The following TEX11 variants were observed in gnomAD, a reference collection of about 807,000 sequenced individuals.
TEX11 encodes the protein testis expressed 11.
In TEX11, 7 loss-of-function variants were observed where a neutral mutation model predicts 84.4. The ratio of observed to expected loss-of-function variants is 0.08; its 90% CI spans 0.05 to 0.16. TEX11 has a LOEUF of 0.16. Among genes scored for constraint, TEX11 ranks in the 10% least tolerant of loss-of-function variants. The pLI is 1.00. For missense variants in TEX11, 551 were observed against 660.5 expected (o/e 0.83, Z 1.82); for synonymous variants, 264 against 222.8 (o/e 1.18, Z -1.64).
intron 13 of TEX11, among the ~76,000 whole-genome samples, chrX:70,707,783 A>G (rs768282771): frequency 3.1e-4 from 34 of 111,017 alleles, no homozygotes; most frequent in African/African-American, 9.4e-4. Context: ...AGTGCACACA[A>G]TGAGGTAAGG....
intron 7 of TEX11, among the ~76,000 whole-genome samples, chrX:70,837,687 C>T (rs1417259159): frequency 9.0e-6 from 1 of 111,198 alleles, no homozygotes; most frequent in Non-Finnish European, 1.9e-5. Context: ...TGTAATATTA[C>T]ATTTATATAA....
intron 9 of TEX11, among the ~76,000 whole-genome samples, chrX:70,796,530 C>T (rs2091156652): frequency 8.9e-6 from 1 of 111,890 alleles, no homozygotes; most frequent in Non-Finnish European, 1.9e-5. Flanking sequence ...AGAAGACTAC[C>T]TTGTGGCATC....
chrX:70,565,722 G>A (rs1175090630), intron 25 of TEX11, among the ~76,000 whole-genome samples: 5 of 109,926 alleles, frequency 4.5e-5, no homozygotes, highest in African/African-American at 9.9e-5. Flanking sequence ...GTAGATATGC[G>A]GCTTTATTTC....
intron 9 of TEX11, among the ~76,000 whole-genome samples, chrX:70,749,082 C>T (rs1394795802): frequency 9.6e-6 from 1 of 103,656 alleles, no homozygotes; most frequent in East Asian, 3.2e-4. Flanking sequence ...TTGTTTGTAT[C>T]CTCTTTTATT....
At chrX:70,744,487 A>G (rs2090755972) in intron 9 of TEX11, among the ~76,000 whole-genome samples, 1 of 108,528 alleles carries the variant, frequency 9.2e-6, no homozygotes, top group African/African-American at 3.3e-5. Flanking sequence ...CCATTTGGCT[A>G]TATATATAGC....
intron 9 of TEX11, among the ~76,000 whole-genome samples, chrX:70,764,654 T>C (rs1464647734): frequency 9.0e-6 from 1 of 111,518 alleles, no homozygotes; most frequent in African/African-American, 3.2e-5. Flanking sequence ...ACACAACTGA[T>C]ACCACAAAAA....
At chrX:70,582,094 T>C (rs1326378033) in intron 25 of TEX11, among the ~76,000 whole-genome samples, 1 of 111,887 alleles carries the variant, frequency 8.9e-6, no homozygotes, top group Non-Finnish European at 1.9e-5. Context: ...ATGAATCTGT[T>C]GCATGTTGAT....
chrX:70,696,700 T>A (rs192843778), intron 13 of TEX11, among the ~76,000 whole-genome samples: 98 of 111,380 alleles, frequency 8.8e-4, no homozygotes, highest in African/African-American at 3.2e-3. Flanking sequence ...GCCCAGGAAG[T>A]CAAGGCTGCA....
At chrX:70,812,989 C>A (rs1254517994) in intron 8 of TEX11, among the ~76,000 whole-genome samples, 1 of 111,127 alleles carries the variant, frequency 9.0e-6, no homozygotes, top group Admixed American at 9.6e-5. Context: ...CAGGACCAGA[C>A]GGAGTCACAG....
chrX:70,723,997 G>C, intron 12 of TEX11: 4 of 616,301 alleles, frequency 6.5e-6, no homozygotes, highest in Non-Finnish European at 7.8e-6. Context: ...TTGCAACTTC[G>C]GGAGTATCTA....
At chrX:70,705,356 G>C (rs1490465734) in intron 13 of TEX11, among the ~76,000 whole-genome samples, 2 of 111,473 alleles carry the variant, frequency 1.8e-5, no homozygotes, top group East Asian at 5.6e-4. Flanking sequence ...GCTTGATGGG[G>C]ATGGCATTGA....
Position 70,668,216 on chromosome X carries a change from T to A in TEX11, c.1380+2161A>T, listed in dbSNP as rs576688085. ...GAATGTGATAAAAACTCAACAAGAG[T>A]CAGTATTATTGACTACCTAGCTGAA... On this transcript the variant is annotated intron_variant, in intron 16 of 29. Coordinates refer to ENST00000374333, the MANE Select transcript of TEX11 (RefSeq NM_031276.3). Among the ~76,000 whole-genome samples, 3 of 111,462 alleles carry A rather than the reference T, an allele frequency of 2.7e-5. No homozygotes were observed. The Admixed American group carries it at 2.9e-4, about 11-fold the overall frequency.
intron 2 of TEX11, among the ~76,000 whole-genome samples, chrX:70,883,085 T>C (rs1466225726): frequency 6.3e-5 from 7 of 111,596 alleles, no homozygotes; most frequent in Non-Finnish European, 9.4e-5. Flanking sequence ...AGGTTGAGAG[T>C]TACACTATAA....
chrX:70,791,229 A>C (rs763520365), intron 9 of TEX11, among the ~76,000 whole-genome samples: 147 of 112,210 alleles, frequency 1.3e-3, no homozygotes, highest in Non-Finnish European at 1.9e-3. Context: ...TATATCAGAT[A>C]AAACAGACTT....
chrX:70,811,779 A>G (rs756400047), intron 8 of TEX11, among the ~76,000 whole-genome samples: 50 of 111,278 alleles, frequency 4.5e-4, no homozygotes, highest in African/African-American at 1.6e-3. Context: ...ATGGCCAGTG[A>G]TGATGAGCAT....
At chrX:70,614,217 A>G (rs1393033809) in intron 20 of TEX11, among the ~76,000 whole-genome samples, 1 of 111,347 alleles carries the variant, frequency 9.0e-6, no homozygotes, top group Admixed American at 9.5e-5. Flanking sequence ...CAGCCACAGT[A>G]GGGTAGAGCA....
chrX:70,811,021 A>G (rs1336822781), intron 8 of TEX11, among the ~76,000 whole-genome samples: 1 of 111,707 alleles, frequency 9.0e-6, no homozygotes, highest in East Asian at 2.8e-4. Context: ...CCAATGAGTC[A>G]TTTTTTAAAA....
intron 16 of TEX11, among the ~76,000 whole-genome samples, chrX:70,652,036 G>C (rs1488600985): frequency 9.0e-6 from 1 of 110,981 alleles, no homozygotes; most frequent in Non-Finnish European, 1.9e-5. Flanking sequence ...CTAGACTAGG[G>C]ACAAGCCAAA....
chrX:70,907,548 C>T (rs1311930166), intron 2 of TEX11, among the ~76,000 whole-genome samples: 2 of 111,360 alleles, frequency 1.8e-5, no homozygotes, highest in Non-Finnish European at 3.8e-5. Context: ...CTGGGATTAC[C>T]ACGCCCAACT....
Sources: gnomAD v4.1 joint callset for allele counts (sites outside exome capture counted in the v4.1 genomes callset) on GRCh38, gnomAD v4.1.1 for gene constraint, MANE v1.5 for transcripts, NCBI Gene and HGNC (gene_info 2026-07-23, HGNC 2026-07-21) for gene names.